ACTR3C: variants seen among roughly 807,000 people sequenced by gnomAD.
ACTR3C encodes the protein actin related protein 3C.
A neutral mutation model predicts 26.3 loss-of-function variants in ACTR3C; 18 were observed. The ratio of observed to expected loss-of-function variants is 0.68; its 90% CI spans 0.47 to 1.01. The LOEUF (loss-of-function observed/expected upper bound fraction) is 1.01. ACTR3C is among the 50% of genes least tolerant of loss of function. The pLI, the probability that ACTR3C is intolerant of heterozygous loss-of-function variation, is 0.00. For missense variants in ACTR3C, 184 were observed against 250.7 expected (o/e 0.73, Z 1.80); for synonymous variants, 55 against 94.5 (o/e 0.58, Z 2.42).
At chr7:150,287,886 C>G (rs1310473425) in intron 4 of ACTR3C, among the ~76,000 whole-genome samples, 2 of 143,910 alleles carry the variant, frequency 1.4e-5, no homozygotes, top group Non-Finnish European at 3.0e-5. Context: ...TCTCAGCTTA[C>G]TTAACTCAAA....
the ACTR3C span, among the ~76,000 whole-genome samples, chr7:149,937,433 A>G: frequency 6.6e-6 from 1 of 151,952 alleles, no homozygotes; most frequent in Non-Finnish European, 1.5e-5. Flanking sequence ...AAAGACTTCC[A>G]TTTAAACATT....
the ACTR3C span, among the ~76,000 whole-genome samples, chr7:149,923,757 G>A: frequency 6.6e-6 from 1 of 151,842 alleles, no homozygotes; most frequent in Admixed American, 6.6e-5. Context: ...CAGCACTTTA[G>A]GAGGCAGGGG....
the ACTR3C span, among the ~76,000 whole-genome samples, chr7:150,134,319 G>A: frequency 2.0e-5 from 3 of 152,000 alleles, no homozygotes; most frequent in Non-Finnish European, 4.4e-5. Flanking sequence ...AACGGGAGAA[G>A]GGGCCAAGGT....
chr7:150,138,755 C>T, the ACTR3C span, among the ~76,000 whole-genome samples: 8,024 of 152,124 alleles, frequency 0.053, 64 homozygotes, highest in African/African-American at 0.18. Context: ...GGGTCCCCAA[C>T]TTGAGCCATG....
At chr7:150,059,253 A>C in the ACTR3C span, among the ~76,000 whole-genome samples, 1 of 152,234 alleles carries the variant, frequency 6.6e-6, no homozygotes, top group Non-Finnish European at 1.5e-5. Flanking sequence ...GAGAGGGCCA[A>C]TCAGTTGTTA....
chr7:149,931,695 G>C, the ACTR3C span, among the ~76,000 whole-genome samples: 11 of 152,190 alleles, frequency 7.2e-5, no homozygotes, highest in Admixed American at 6.5e-4. Flanking sequence ...CCACATCCCA[G>C]TGAGGAAGCA....
At chr7:150,039,299 G>T in the ACTR3C span, among the ~76,000 whole-genome samples, 1 of 149,604 alleles carries the variant, frequency 6.7e-6, no homozygotes, top group African/African-American at 2.5e-5. Context: ...TGCGATGGGG[G>T]TACCAACAGC....
At chr7:150,304,601 CCTT>C (rs1033715980) in intron 1 of ACTR3C, among the ~76,000 whole-genome samples, 1 of 151,916 alleles carries the variant, frequency 6.6e-6, no homozygotes, top group African/African-American at 2.4e-5. Flanking sequence ...ACCAAACTCT[CCTT>C]CTTCCTCCTC....
At chr7:149,960,092 A>G in the ACTR3C span, among the ~76,000 whole-genome samples, 1 of 151,812 alleles carries the variant, frequency 6.6e-6, no homozygotes, top group African/African-American at 2.4e-5. Context: ...AACTCTACCT[A>G]AATTATCAAT....
the ACTR3C span, among the ~76,000 whole-genome samples, chr7:150,227,886 G>A: frequency 6.6e-6 from 1 of 151,444 alleles, no homozygotes; most frequent in East Asian, 1.9e-4. Flanking sequence ...ATGCTGTCTT[G>A]ATTATTATAG....
chr7:150,228,858 T>C, the ACTR3C span, among the ~76,000 whole-genome samples: 27 of 148,166 alleles, frequency 1.8e-4, no homozygotes, highest in African/African-American at 6.4e-4. Flanking sequence ...TAATACTATA[T>C]ATAGTAACAA....
chr7:149,955,801 C>T, the ACTR3C span, among the ~76,000 whole-genome samples: 3 of 152,172 alleles, frequency 2.0e-5, no homozygotes, highest in African/African-American at 7.2e-5. Flanking sequence ...CTTCAATGTC[C>T]ATACATGATG....
At chr7:150,129,240 G>A in the ACTR3C span, among the ~76,000 whole-genome samples, 2 of 151,992 alleles carry the variant, frequency 1.3e-5, no homozygotes, top group Admixed American at 1.3e-4. Context: ...CCTGCCAAAA[G>A]ATATCTGCCA....
At chr7:149,995,060 G>A in the ACTR3C span, among the ~76,000 whole-genome samples, 1 of 152,030 alleles carries the variant, frequency 6.6e-6, no homozygotes, top group Non-Finnish European at 1.5e-5. Flanking sequence ...TCACCATGTT[G>A]ACCAGGCTTG....
chr7:149,930,512 C>T, the ACTR3C span, among the ~76,000 whole-genome samples: 86 of 152,310 alleles, frequency 5.6e-4, no homozygotes, highest in African/African-American at 2.1e-3. Context: ...TAGCTGTTCT[C>T]TTCCAGCTTA....
intron 6 of ACTR3C, among the ~76,000 whole-genome samples, chr7:150,282,330 A>G (rs979137254): frequency 5.9e-5 from 9 of 152,004 alleles, no homozygotes; most frequent in Admixed American, 3.9e-4. Flanking sequence ...AAAGAAATAA[A>G]CCTTTGCTGC....
the ACTR3C span, among the ~76,000 whole-genome samples, chr7:150,162,123 T>C: frequency 6.6e-6 from 1 of 152,224 alleles, no homozygotes; most frequent in Non-Finnish European, 1.5e-5. Context: ...CTACTGATGA[T>C]TTTTGCCACA....
the ACTR3C span, among the ~76,000 whole-genome samples, chr7:149,954,614 G>A: frequency 8.5e-5 from 13 of 152,228 alleles, no homozygotes; most frequent in South Asian, 6.2e-4. Context: ...TATTTGGCAC[G>A]TTGTGTTAAT....
chr7:150,176,030 T>C, the ACTR3C span, among the ~76,000 whole-genome samples: 1 of 150,540 alleles, frequency 6.6e-6, no homozygotes, highest in Non-Finnish European at 1.5e-5. Context: ...TAACATAATA[T>C]AGACGTAGTC....
Sources: gnomAD v4.1 joint callset for allele counts (sites outside exome capture counted in the v4.1 genomes callset) on GRCh38, gnomAD v4.1.1 for gene constraint, MANE v1.5 for transcripts, NCBI Gene and HGNC (gene_info 2026-07-23, HGNC 2026-07-21) for gene names.